Variants in DENND4C observed in about 807,000 individuals in gnomAD.
DENND4C encodes the protein DENN domain-containing protein 4C.
A neutral mutation model predicts 203.0 loss-of-function variants in DENND4C; 108 were observed. That is an observed-to-expected ratio of 0.53 (90% CI 0.46 to 0.62). DENND4C has a LOEUF of 0.62. Ranked by LOEUF, DENND4C falls within the 20% of genes least tolerant of loss-of-function variation. DENND4C has a pLI of 0.00. For missense variants in DENND4C, 2,481 were observed against 2,301.2 expected (o/e 1.08, Z -1.60); for synonymous variants, 871 against 792.4 (o/e 1.10, Z -1.67).
intron 1 of DENND4C, among the ~76,000 whole-genome samples, chr9:19,233,214 C>T (rs1438262612): frequency 6.6e-6 from 1 of 151,324 alleles, no homozygotes; most frequent in Non-Finnish European, 1.5e-5. Flanking sequence ...AATATGTTTG[C>T]TGAATAGCAA....
In DENND4C at chr9:19,352,110, CTT is replaced by C; in HGVS notation, c.4535_4536del (p.Phe1512Ter). On this transcript the variant is annotated frameshift_variant, in exon 25 of 33. Coordinates refer to ENST00000434457, the MANE Select transcript of DENND4C (RefSeq NM_001330640.2). LOFTEE classifies it high-confidence loss of function. ...PFPRGMKGQD[F>X]EKSDHGSSQN... ...TTCCAAGAGGCATGAAAGGGCAAGA[CTT>C]TGAAAAATCAGATCATGGTTCTTCT... 1 of 1,613,872 alleles carries C rather than the reference CTT, an allele frequency of 6.2e-7. No individual in the cohort carries two copies.
intron 1 of DENND4C, among the ~76,000 whole-genome samples, chr9:19,275,395 C>T (rs767432571): frequency 3.5e-4 from 53 of 151,210 alleles, no homozygotes; most frequent in Middle Eastern, 3.4e-3. Flanking sequence ...CGGGGTCGAG[C>T]GATTCTCATG....
rs770355868 is a variant in DENND4C, at chr9:19,360,380, A to G, written c.5297A>G (p.Gln1766Arg). 6.2e-7 allele frequency: 1 copy of G among 1,614,160 alleles called. No homozygotes were observed. The highest frequency in any genetic ancestry group is 1.1e-5 in the South Asian group (1 of 91,082). ...QVIHTSSFIN[Q>R]HPIIFWNLVW... ...ATTCATACATCTTCTTTCATCAATC[A>G]ACATCCAATCATTTTCTGGAACCTC... The change falls in exon 29 of 33, where the codon CAA becomes CGA. Residue 1766 changes from glutamine to arginine, a missense_variant. This residue lies in a region of DENND4C where 2,289 missense variants were observed against 2,113.3 expected (regional missense o/e 1.08). Transcript: ENST00000434457.
chr9:19,260,516 G>A (rs1486905735), intron 1 of DENND4C, among the ~76,000 whole-genome samples: 2 of 152,054 alleles, frequency 1.3e-5, no homozygotes, highest in African/African-American at 4.8e-5. Context: ...TCCCACCTCA[G>A]CCTCCCGAGT....
intron 9 of DENND4C, among the ~76,000 whole-genome samples, chr9:19,304,638 G>A (rs904628104): frequency 3.3e-5 from 5 of 150,922 alleles, no homozygotes; most frequent in African/African-American, 1.2e-4. Context: ...CCAGATTCAC[G>A]CCATTCTCCT....
chr9:19,299,707 T>A (rs1838165401), intron 8 of DENND4C, among the ~76,000 whole-genome samples: 1 of 152,242 alleles, frequency 6.6e-6, no homozygotes, highest in Non-Finnish European at 1.5e-5. Context: ...ACCTTTTTAC[T>A]TATCTTCCTT....
intron 1 of DENND4C, among the ~76,000 whole-genome samples, chr9:19,258,047 G>C (rs1828414490): frequency 6.6e-6 from 1 of 152,154 alleles, no homozygotes; most frequent in South Asian, 2.1e-4. Context: ...GAGCCTGGGA[G>C]GTTGAGACTG....
chr9:19,363,541 G>C (rs1826966767), intron 30 of DENND4C, among the ~76,000 whole-genome samples: 2 of 151,694 alleles, frequency 1.3e-5, no homozygotes, highest in African/African-American at 4.8e-5. Context: ...CCACTCTTAT[G>C]TCCTCATGTA....
intron 31 of DENND4C, chr9:19,370,205 C>T: frequency 1.9e-6 from 1 of 529,458 alleles, no homozygotes; most frequent in South Asian, 2.1e-5. Flanking sequence ...CACCTGTAAT[C>T]CCAGCACTTT....
At chr9:19,327,633 T>G (rs1388252458) in intron 15 of DENND4C, among the ~76,000 whole-genome samples, 1 of 151,942 alleles carries the variant, frequency 6.6e-6, no homozygotes, top group African/African-American at 2.4e-5. Flanking sequence ...AATAAAAATT[T>G]TATGGATTTT....
chr9:19,356,919 T>A, intron 26 of DENND4C, 53 bp from the exon 27 acceptor site: 1 of 1,508,472 alleles, frequency 6.6e-7, no homozygotes, highest in South Asian at 1.2e-5. Flanking sequence ...GATAGAATTT[T>A]AGAAAACTTG....
At chr9:19,284,079 A>C (rs373830894) in intron 2 of DENND4C, among the ~76,000 whole-genome samples, 2 of 152,200 alleles carry the variant, frequency 1.3e-5, no homozygotes, top group Non-Finnish European at 2.9e-5. Flanking sequence ...TAGATGATAG[A>C]CTGTAGAATA....
chr9:19,371,995 T>A (rs757356462), intron 32 of DENND4C, 42 bp from the exon 33 acceptor site: 8 of 1,591,626 alleles, frequency 5.0e-6, no homozygotes, highest in Non-Finnish European at 6.0e-6. Context: ...GCTGTTGTCT[T>A]TCTTAACAAA....
At chr9:19,261,172 G>T (rs925056436) in intron 1 of DENND4C, among the ~76,000 whole-genome samples, 2 of 152,002 alleles carry the variant, frequency 1.3e-5, no homozygotes, top group Non-Finnish European at 2.9e-5. Context: ...GTTCGTTGTA[G>T]ATGTATGGAT....
intron 1 of DENND4C, among the ~76,000 whole-genome samples, chr9:19,273,012 G>A (rs1429389811): frequency 2.0e-5 from 3 of 146,450 alleles, no homozygotes; most frequent in Non-Finnish European, 4.5e-5. Context: ...GCAGTGGCGC[G>A]ATCTTGGCTC....
chr9:19,235,914 A>G (rs773874275), intron 1 of DENND4C, among the ~76,000 whole-genome samples: 6 of 151,928 alleles, frequency 3.9e-5, no homozygotes, highest in Non-Finnish European at 8.8e-5. Flanking sequence ...GTCATCTTAT[A>G]TATCTTTGTA....
intron 27 of DENND4C, 148 bp from the exon 28 acceptor site, chr9:19,357,817 G>T: frequency 6.3e-6 from 4 of 634,638 alleles, no homozygotes; most frequent in Non-Finnish European, 7.5e-6. Flanking sequence ...AAAAATGGTT[G>T]AAGGAAATGC....
At chr9:19,319,337 CACA>C (rs1842411459) in intron 12 of DENND4C, among the ~76,000 whole-genome samples, 9 of 71,516 alleles carry the variant, frequency 1.3e-4, no homozygotes, top group South Asian at 5.5e-4. Context: ...CATATATATA[CACA>C]TATATATATA....
At chr9:19,238,331 C>T (rs1285736978) in intron 1 of DENND4C, among the ~76,000 whole-genome samples, 21 of 151,862 alleles carry the variant, frequency 1.4e-4, no homozygotes, top group Admixed American at 1.4e-3. Flanking sequence ...ATCTGCCGGC[C>T]TTGGCCTCCC....
Sources: allele counts gnomAD v4.1 joint callset (sites outside exome capture counted in the v4.1 genomes callset), GRCh38; gene constraint gnomAD v4.1.1; regional missense constraint gnomAD v4.1.1; transcripts MANE v1.5; gene names NCBI Gene and HGNC (gene_info 2026-07-23, HGNC 2026-07-21).